Variants in TBC1D5 observed in about 807,000 individuals in gnomAD.
TBC1D5 encodes TBC1 domain family member 5.
TBC1D5 carries 75 observed loss-of-function variants against 100.3 expected under a neutral mutation model. That is an observed-to-expected ratio of 0.75 (90% confidence interval 0.62 to 0.91). TBC1D5 has a LOEUF of 0.91. Ranked by LOEUF, TBC1D5 falls within the 40% of genes least tolerant of loss-of-function variation. TBC1D5 has a pLI of 0.00. For synonymous variants in TBC1D5, 323 were observed against 325.6 expected (o/e 0.99, Z 0.09); for missense variants, 910 against 942.4 (o/e 0.97, Z 0.45).
chr3:17,551,086 G>A (rs1198486418), intron 2 of TBC1D5, among the ~76,000 whole-genome samples: 1 of 152,042 alleles, frequency 6.6e-6, no homozygotes, highest in Non-Finnish European at 1.5e-5. Context: ...GTATTTAAGT[G>A]CATAAACATG....
At chr3:17,334,451 G>GTTAATTA (rs1302306632) in intron 13 of TBC1D5, among the ~76,000 whole-genome samples, 8 of 152,188 alleles carry the variant, frequency 5.3e-5, no homozygotes, top group African/African-American at 1.9e-4. Context: ...AATTCTGGGA[G>GTTAATTA]TTAATTATTA....
chr3:17,703,280 T>C (rs911013835), intron 1 of TBC1D5, among the ~76,000 whole-genome samples: 1 of 151,724 alleles, frequency 6.6e-6, no homozygotes, highest in Admixed American at 6.6e-5. Context: ...AAGTCTTTTC[T>C]GTGGAGAAAA....
At chr3:17,740,522 A>G (rs2077340100) in exon 1 of TBC1D5, 1 of 152,232 alleles carries the variant, frequency 6.6e-6, no homozygotes, top group African/African-American at 2.4e-5. Flanking sequence ...GTATAAATAA[A>G]AAGAAAAAAA....
rs143071549 is a variant in TBC1D5 at position 17,238,011 on chromosome 3, C to T, written c.1588+152G>A. The stretch of plus-strand genomic sequence containing the variant: ...TCATAAAATATTCTTAAGACCAACA[C>T]GGTATCTAGTATTCCAACTTTATAT... On this transcript the variant is annotated intron_variant, in intron 17 of 21. Coordinates refer to ENST00000253692, the Ensembl canonical transcript of TBC1D5. The T allele has an allele frequency of 2.4e-4, 270 of 1,141,178 alleles. 2 individuals carry two copies. In the East Asian group the frequency reaches 5.9e-3, roughly 25 times the overall value. 70.7% of individuals were successfully genotyped at this position (1,141,178 alleles called of 1,614,324 possible). A position where few individuals can be genotyped will look rare whatever the true frequency, so the allele number is the denominator to read the frequency against.
At chr3:17,693,418 C>CA (rs1215125942) in intron 1 of TBC1D5, among the ~76,000 whole-genome samples, 2 of 152,218 alleles carry the variant, frequency 1.3e-5, no homozygotes, top group African/African-American at 4.8e-5. Context: ...AACCGGCAGA[C>CA]AAGGAGATTC....
chr3:17,588,558 AT>A (rs35894011), intron 2 of TBC1D5, among the ~76,000 whole-genome samples: 8,202 of 152,022 alleles, frequency 0.054, 702 homozygotes, highest in African/African-American at 0.19. Context: ...TATTTTCCTA[AT>A]TTTTTTCCTA....
chr3:17,562,896 T>C (rs1211086409), intron 2 of TBC1D5, among the ~76,000 whole-genome samples: 1 of 152,232 alleles, frequency 6.6e-6, no homozygotes, highest in African/African-American at 2.4e-5. Context: ...TGTCTGAGAA[T>C]ACCTACAATT....
chr3:17,651,145 T>C (rs2065511435), intron 1 of TBC1D5, among the ~76,000 whole-genome samples: 1 of 152,196 alleles, frequency 6.6e-6, no homozygotes, highest in African/African-American at 2.4e-5. Context: ...TCTCATTTAT[T>C]TGAATCAAAA....
rs148431403 is a variant in TBC1D5 at position 17,494,299 on chromosome 3, G to A, written c.97+14175C>T. On this transcript the variant is annotated intron_variant, in intron 3 of 21. Coordinates refer to ENST00000253692, the Ensembl canonical transcript of TBC1D5. Reference sequence around the variant, plus strand: ...GGCTGCTCCTTCCTCTGGGAGCTCCGTCCCAGAGGCACACTGACCTGATGC... The same window carrying A: ...GGCTGCTCCTTCCTCTGGGAGCTCCATCCCAGAGGCACACTGACCTGATGC... Among the ~76,000 whole-genome samples, 1,478 of 152,184 alleles carry A rather than the reference G, an allele frequency of 9.7e-3. 17 individuals carry two copies. The highest frequency in any genetic ancestry group is 0.033 in the African/African-American group (1,368 of 41,514).
intron 13 of TBC1D5, among the ~76,000 whole-genome samples, chr3:17,319,644 G>A (rs965288544): frequency 1.3e-5 from 2 of 152,094 alleles, no homozygotes; most frequent in African/African-American, 2.4e-5. Flanking sequence ...GCAGAGGCGG[G>A]CGGATCACAA....
intron 1 of TBC1D5, among the ~76,000 whole-genome samples, chr3:17,734,327 A>G (rs1232839258): frequency 1.3e-5 from 2 of 152,232 alleles, no homozygotes; most frequent in East Asian, 3.8e-4. Flanking sequence ...ATACAGTGAG[A>G]CAGAATAGAA....
intron 1 of TBC1D5, among the ~76,000 whole-genome samples, chr3:17,662,357 G>A (rs1454005661): frequency 1.3e-5 from 2 of 152,216 alleles, no homozygotes; most frequent in Non-Finnish European, 2.9e-5. Context: ...AGTTGTCACA[G>A]TGCCAAAGAA....
intron 13 of TBC1D5, among the ~76,000 whole-genome samples, chr3:17,325,506 T>C (rs1048562162): frequency 7.2e-5 from 11 of 152,060 alleles, no homozygotes; most frequent in African/African-American, 2.2e-4. Context: ...GTATTTTTAG[T>C]AGAGACAGGG....
chr3:17,648,769 C>A (rs2065252225), intron 1 of TBC1D5, among the ~76,000 whole-genome samples: 1 of 152,120 alleles, frequency 6.6e-6, no homozygotes, highest in Admixed American at 6.5e-5. Context: ...AGATCAAAAC[C>A]ACAATGAGAC....
chr3:17,352,955 C>T (rs1233798805), intron 13 of TBC1D5, among the ~76,000 whole-genome samples: 1 of 152,086 alleles, frequency 6.6e-6, no homozygotes, highest in East Asian at 1.9e-4. Context: ...CTTAAACACA[C>T]TGTTTTCACT....
intron 3 of TBC1D5, among the ~76,000 whole-genome samples, chr3:17,475,768 G>A (rs2095430896): frequency 6.6e-6 from 1 of 152,044 alleles, no homozygotes; most frequent in South Asian, 2.1e-4. Context: ...CACAATTCTT[G>A]ATGCAGATAT....
chr3:17,668,773 C>T (rs1039920128), intron 1 of TBC1D5, among the ~76,000 whole-genome samples: 1 of 151,848 alleles, frequency 6.6e-6, no homozygotes, highest in Non-Finnish European at 1.5e-5. Context: ...TAGTTCTGGT[C>T]CCACTGCTGT....
chr3:17,399,955 A>C (rs962642821), intron 8 of TBC1D5, among the ~76,000 whole-genome samples: 1 of 151,696 alleles, frequency 6.6e-6, no homozygotes, highest in Non-Finnish European at 1.5e-5. Context: ...TTCTCCAATC[A>C]CTATTCCTAA....
chr3:17,238,072 A>G (rs1295420640), intron 17 of TBC1D5, 91 bp downstream of exon 17: 1 of 1,497,504 alleles, frequency 6.7e-7, no homozygotes, highest in Non-Finnish European at 8.9e-7. Context: ...ATTAATTTCT[A>G]TTCTAGGAGA....
Sources: allele counts gnomAD v4.1 joint callset (sites outside exome capture counted in the v4.1 genomes callset), GRCh38; gene constraint gnomAD v4.1.1; transcripts MANE v1.5; gene names NCBI Gene and HGNC (gene_info 2026-07-23, HGNC 2026-07-21).